The following KCNAB1 variants were observed in gnomAD, a reference collection of about 807,000 sequenced individuals.
KCNAB1 encodes potassium voltage-gated channel subfamily A regulatory beta subunit 1, also known as voltage-gated potassium channel subunit beta-1.
A neutral mutation model predicts 64.6 loss-of-function variants in KCNAB1; 35 were observed. The ratio of observed to expected loss-of-function variants is 0.54; its 90% confidence interval spans 0.41 to 0.72. KCNAB1 has a LOEUF of 0.72. Among genes scored for constraint, KCNAB1 ranks in the 30% least tolerant of loss-of-function variants. The pLI is 0.00. For synonymous variants in KCNAB1, 177 were observed against 183.8 expected, an observed-to-expected ratio of 0.96 and a Z score of 0.30; for missense variants, 401 against 512.9, an observed-to-expected ratio of 0.78 and a Z score of 2.11.
intron 1 of KCNAB1, among the ~76,000 whole-genome samples, chr3:156,311,440 G>T (rs1721893620): frequency 6.6e-6 from 1 of 152,194 alleles, no homozygotes; most frequent in Non-Finnish European, 1.5e-5. Flanking sequence ...TCAGGGAGAA[G>T]GTAGGGGTTG....
chr3:156,301,059 G>A (rs112083281), intron 1 of KCNAB1, among the ~76,000 whole-genome samples: 1 of 152,066 alleles, frequency 6.6e-6, no homozygotes, highest in South Asian at 2.1e-4. Context: ...TACAAGCACC[G>A]AGCTCCTCAT....
At chr3:156,506,903 C>G (rs1716869834) in intron 8 of KCNAB1, among the ~76,000 whole-genome samples, 1 of 152,126 alleles carries the variant, frequency 6.6e-6, no homozygotes, top group South Asian at 2.1e-4. Flanking sequence ...AAAAAGAAAG[C>G]TCATATTTCC....
chr3:156,271,744 T>C (rs1331947426), intron 1 of KCNAB1, among the ~76,000 whole-genome samples: 1 of 152,228 alleles, frequency 6.6e-6, no homozygotes, highest in Non-Finnish European at 1.5e-5. Flanking sequence ...ATGGTCTTGA[T>C]GCTTGTAAAT....
At chr3:156,405,197 C>G (rs979661427) in intron 1 of KCNAB1, among the ~76,000 whole-genome samples, 1 of 152,202 alleles carries the variant, frequency 6.6e-6, no homozygotes, top group Non-Finnish European at 1.5e-5. Context: ...TGGACAAGAG[C>G]CTTTTATCCA....
intron 1 of KCNAB1, among the ~76,000 whole-genome samples, chr3:156,219,539 G>A (rs1305627596): frequency 6.6e-6 from 1 of 151,932 alleles, no homozygotes; most frequent in African/African-American, 2.4e-5. Context: ...ACATATTTGA[G>A]GGAATAATTG....
At chr3:156,306,100 G>A (rs1721473769) in intron 1 of KCNAB1, among the ~76,000 whole-genome samples, 1 of 152,090 alleles carries the variant, frequency 6.6e-6, no homozygotes. Flanking sequence ...TATACAGTGG[G>A]GGCAAGTTAT....
intron 1 of KCNAB1, among the ~76,000 whole-genome samples, chr3:156,282,189 G>A (rs1160074807): frequency 6.8e-6 from 1 of 146,404 alleles, no homozygotes; most frequent in Admixed American, 6.7e-5. Context: ...TGGTTTCAAA[G>A]AACATCTTTA....
chr3:156,148,222 C>T (rs1368484675), intron 1 of KCNAB1, among the ~76,000 whole-genome samples: 5 of 152,074 alleles, frequency 3.3e-5, no homozygotes, highest in African/African-American at 2.4e-5. Flanking sequence ...TCCTTTTGCC[C>T]CTACAGCATT....
intron 1 of KCNAB1, among the ~76,000 whole-genome samples, chr3:156,301,275 C>T (rs963728729): frequency 3.3e-5 from 5 of 151,916 alleles, no homozygotes; most frequent in East Asian, 1.9e-4. Flanking sequence ...AAATCAACTG[C>T]GTAAATAACA....
At chr3:156,285,194 AT>A (rs1720028764) in intron 1 of KCNAB1, among the ~76,000 whole-genome samples, 2 of 152,212 alleles carry the variant, frequency 1.3e-5, no homozygotes, top group African/African-American at 4.8e-5. Context: ...GGTTGATATT[AT>A]TTTACAGTAG....
intron 1 of KCNAB1, among the ~76,000 whole-genome samples, chr3:156,160,335 T>C (rs1167261397): frequency 6.6e-6 from 1 of 152,194 alleles, no homozygotes; most frequent in Non-Finnish European, 1.5e-5. Flanking sequence ...GAAATAACAA[T>C]ACCTATCCCA....
intron 1 of KCNAB1, among the ~76,000 whole-genome samples, chr3:156,393,914 T>A (rs923651532): frequency 2.0e-4 from 30 of 152,230 alleles, no homozygotes; most frequent in African/African-American, 1.2e-4. Flanking sequence ...AAAGCCTTTT[T>A]AAAATATCTT....
At chr3:156,165,662 A>G (rs1365865207) in intron 1 of KCNAB1, among the ~76,000 whole-genome samples, 1 of 152,160 alleles carries the variant, frequency 6.6e-6, no homozygotes, top group Non-Finnish European at 1.5e-5. Flanking sequence ...TTTATATTAC[A>G]TTTGCCTTTC....
intron 1 of KCNAB1, among the ~76,000 whole-genome samples, chr3:156,370,175 G>T (rs553721020): frequency 3.1e-4 from 47 of 152,298 alleles, no homozygotes; most frequent in African/African-American, 1.1e-3. Context: ...GAGAGGAGTT[G>T]AGCTTCAACT....
At chr3:156,510,943 T>A (rs1717166209) in intron 8 of KCNAB1, among the ~76,000 whole-genome samples, 1 of 152,300 alleles carries the variant, frequency 6.6e-6, no homozygotes, top group East Asian at 1.9e-4. Context: ...TCTTCTCTTT[T>A]CTGTCTATAG....
At chr3:156,379,087 T>A (rs1161939011) in intron 1 of KCNAB1, among the ~76,000 whole-genome samples, 1 of 152,198 alleles carries the variant, frequency 6.6e-6, no homozygotes, top group African/African-American at 2.4e-5. Flanking sequence ...TGCTGATTCA[T>A]CTGTTTTAAT....
At chr3:156,520,546 C>A (rs1326806942) in intron 11 of KCNAB1, among the ~76,000 whole-genome samples, 1 of 152,184 alleles carries the variant, frequency 6.6e-6, no homozygotes, top group Non-Finnish European at 1.5e-5. Flanking sequence ...CCACTTCCCT[C>A]CAGCCTGAGC....
Position 156,465,625 on chromosome 3 carries a change from G to A in KCNAB1, c.528-18G>A, listed in dbSNP as rs759596920. 6.2e-7 allele frequency: 1 copy of A among 1,610,076 alleles called. No homozygotes were observed. The highest frequency in any genetic ancestry group is 1.1e-5 in the South Asian group (1 of 90,980). ...AGCACACTCTCATTCAAAGTTATTTGCTTCTTTTTCTTGGCAGAGCTGAAA... is the reference window on the plus strand; with the variant it reads ...AGCACACTCTCATTCAAAGTTATTTACTTCTTTTTCTTGGCAGAGCTGAAA... On this transcript the variant is annotated intron_variant, in intron 6 of 13. Transcript: ENST00000490337.
At chr3:156,535,968 C>T (rs1024429993) in intron 13 of KCNAB1, among the ~76,000 whole-genome samples, 9 of 152,140 alleles carry the variant, frequency 5.9e-5, no homozygotes, top group African/African-American at 9.7e-5. Flanking sequence ...TCTTACCATC[C>T]GTATCCTGTT....
Sources: allele counts gnomAD v4.1 joint callset (sites outside exome capture counted in the v4.1 genomes callset), GRCh38; gene constraint gnomAD v4.1.1; transcripts MANE v1.5; gene names NCBI Gene and HGNC (gene_info 2026-07-23, HGNC 2026-07-21).